RBMS3: variants seen among roughly 807,000 people sequenced by gnomAD.
The protein encoded by RBMS3 is RNA binding motif single stranded interacting protein 3.
Under a neutral mutation model 66.8 loss-of-function variants are expected in RBMS3, and 27 were observed. The observed-to-expected ratio is 0.40, with a 90% CI of 0.30 to 0.56. The LOEUF (loss-of-function observed/expected upper bound fraction) is 0.56, where lower values mean the gene tolerates loss of function less well. Ranked by LOEUF, RBMS3 falls within the 20% of genes least tolerant of loss-of-function variation. The pLI is 0.40. For missense variants in RBMS3, 513 were observed against 549.5 expected (o/e 0.93, Z 0.66); for synonymous variants, 188 against 183.0 (o/e 1.03, Z -0.22).
chr3:29,702,446 AT>A (rs1462387465), intron 4 of RBMS3, among the ~76,000 whole-genome samples: 2 of 152,188 alleles, frequency 1.3e-5, no homozygotes, highest in Admixed American at 1.3e-4. Context: ...AGATAAGGGA[AT>A]GAAAGGCTGC....
intron 10 of RBMS3, among the ~76,000 whole-genome samples, chr3:29,922,349 C>T (rs1216793054): frequency 2.0e-4 from 30 of 151,234 alleles, no homozygotes; most frequent in African/African-American, 5.1e-4. Context: ...TAGCCGGGCG[C>T]GGTGGCGGGC....
intron 4 of RBMS3, among the ~76,000 whole-genome samples, chr3:29,701,838 C>G (rs983873271): frequency 2.6e-5 from 4 of 151,908 alleles, no homozygotes; most frequent in Non-Finnish European, 4.4e-5. Context: ...GAAGCCTGCG[C>G]GCAGCCGGAG....
In RBMS3 at chr3:29,642,156, C is replaced by T. The variant is rs926922141; in HGVS notation, c.399+54951C>T. Among the ~76,000 whole-genome samples the T allele has an allele frequency of 8.5e-5, 13 of 152,148 alleles. No homozygotes were observed. The East Asian group carries it at 2.5e-3, about 29-fold the overall frequency. Reference sequence around the variant, plus strand: ...AGAAAGGTTATAACCCGTAGATCTGCCAATGAGTGGATTCTGACCCTGGGT... The same window carrying T: ...AGAAAGGTTATAACCCGTAGATCTGTCAATGAGTGGATTCTGACCCTGGGT... On this transcript the variant is annotated intron_variant, in intron 4 of 14. Transcript: ENST00000383767.
intron 1 of RBMS3, among the ~76,000 whole-genome samples, 200 bp from the exon 2 acceptor site, chr3:29,434,543 C>G (rs1337359428): frequency 1.3e-5 from 2 of 152,064 alleles, no homozygotes. Flanking sequence ...TTATGGCTGA[C>G]TTATGCTGAT....
intron 4 of RBMS3, among the ~76,000 whole-genome samples, chr3:29,631,386 T>A (rs2149176362): frequency 6.6e-6 from 1 of 152,014 alleles, no homozygotes; most frequent in Non-Finnish European, 1.5e-5. Context: ...ATCTTGAGGG[T>A]CTCAGTCAGA....
At chr3:29,559,510 C>CAAAAAAAAAAAAAAAAAAAAA (rs553520590) in intron 3 of RBMS3, among the ~76,000 whole-genome samples, 3 of 41,338 alleles carry the variant, frequency 7.3e-5, no homozygotes, top group African/African-American at 1.5e-4. Flanking sequence ...GACTCTGTCT[C>CAAAAAAAAAAAAAAAAAAAAA]AAAAAAAAAA....
intron 12 of RBMS3, among the ~76,000 whole-genome samples, chr3:29,970,351 G>C (rs1167367859): frequency 2.6e-5 from 4 of 152,080 alleles, no homozygotes; most frequent in Non-Finnish European, 5.9e-5. Context: ...TATCTGTATT[G>C]CTTTTTCTTT....
intron 2 of RBMS3, among the ~76,000 whole-genome samples, chr3:29,487,359 A>G (rs760985240): frequency 1.3e-5 from 2 of 152,210 alleles, no homozygotes; most frequent in African/African-American, 2.4e-5. Context: ...GAGTATCTGT[A>G]CAACTAGGTA....
intron 12 of RBMS3, among the ~76,000 whole-genome samples, chr3:29,960,221 G>A (rs1291164512): frequency 1.3e-5 from 2 of 152,166 alleles, no homozygotes; most frequent in African/African-American, 2.4e-5. Context: ...CCAAACCAAA[G>A]GGACTACAGA....
intron 6 of RBMS3, among the ~76,000 whole-genome samples, chr3:29,771,761 C>T (rs1044350810): frequency 2.0e-5 from 3 of 151,780 alleles, no homozygotes; most frequent in Non-Finnish European, 4.4e-5. Context: ...TACATCAGGG[C>T]GGAATGTAAA....
intron 6 of RBMS3, among the ~76,000 whole-genome samples, chr3:29,805,956 C>A (rs2057533675): frequency 6.6e-6 from 1 of 152,034 alleles, no homozygotes; most frequent in African/African-American, 2.4e-5. Flanking sequence ...TTGCAAGCTG[C>A]ATTCCTGGTA....
chr3:29,577,055 C>A (rs1279233177), intron 3 of RBMS3, among the ~76,000 whole-genome samples: 2 of 152,216 alleles, frequency 1.3e-5, no homozygotes, highest in Admixed American at 6.5e-5. Context: ...GCCCAAGGCC[C>A]ATAGCAAACA....
At chr3:29,449,669 C>T (rs2041951831) in intron 2 of RBMS3, among the ~76,000 whole-genome samples, 1 of 152,184 alleles carries the variant, frequency 6.6e-6, no homozygotes, top group Non-Finnish European at 1.5e-5. Flanking sequence ...CTCAGATTGA[C>T]TTTAAATTTA....
rs1698847031 is a variant in RBMS3, at chr3:29,991,131, A to T, written c.1229A>T (p.Asp410Val). ...CAGACAGTGGCACCTTCATCCCAGG[A>T]CACCAGTGGTCAGCAGCAACAGATA... The part of the protein sequence containing the change: ...SPQTVAPSSQ[D>V]TSGQQQQIAV... The change falls in exon 14 of 15, where the codon GAC (aspartate) becomes GTC (valine). Residue 410 changes from aspartate to valine, a missense_variant. Physicochemically the swap from Asp to Val is radical, Grantham distance 152. Coordinates refer to ENST00000383767, the MANE Select transcript of RBMS3 (RefSeq NM_001003793.3). The T allele has an allele frequency of 1.2e-6, 2 of 1,614,100 alleles. No homozygotes were observed. Among genetic ancestry groups the T allele is most frequent in the Non-Finnish European group, 1.7e-6 (2 of 1,180,030 alleles).
chr3:29,997,262 T>C (rs192206539), intron 14 of RBMS3, among the ~76,000 whole-genome samples: 160 of 152,106 alleles, frequency 1.1e-3, no homozygotes, highest in African/African-American at 3.7e-3. Context: ...GAACTGAAAT[T>C]GTGGCAATAA....
intron 3 of RBMS3, among the ~76,000 whole-genome samples, chr3:29,531,944 A>C (rs1214771999): frequency 2.0e-5 from 3 of 152,028 alleles, no homozygotes; most frequent in African/African-American, 4.8e-5. Flanking sequence ...TTCATCTAGG[A>C]GCCTGACTGA....
At chr3:29,788,623 G>A (rs2056904859) in intron 6 of RBMS3, among the ~76,000 whole-genome samples, 1 of 152,034 alleles carries the variant, frequency 6.6e-6, no homozygotes, top group Non-Finnish European at 1.5e-5. Flanking sequence ...TTATTTAAAT[G>A]TTCAAACGTT....
intron 4 of RBMS3, among the ~76,000 whole-genome samples, chr3:29,671,513 G>A (rs900996294): frequency 2.0e-5 from 3 of 152,100 alleles, no homozygotes; most frequent in South Asian, 4.1e-4. Context: ...CGAACCCATC[G>A]CAAAGAAGCT....
intron 3 of RBMS3, among the ~76,000 whole-genome samples, chr3:29,504,707 C>T (rs1484120920): frequency 1.3e-5 from 2 of 151,936 alleles, no homozygotes; most frequent in African/African-American, 2.4e-5. Context: ...TACATTCCCA[C>T]CAAGAATGTG....
Sources: gnomAD v4.1 joint callset for allele counts (sites outside exome capture counted in the v4.1 genomes callset) on GRCh38, gnomAD v4.1.1 for gene constraint, MANE v1.5 for transcripts, NCBI Gene and HGNC (gene_info 2026-07-23, HGNC 2026-07-21) for gene names.